The following GHR variants were observed in gnomAD, a reference collection of about 807,000 sequenced individuals.
GHR encodes GH receptor.
In GHR, 35 loss-of-function variants were observed where a neutral mutation model predicts 67.1. The ratio of observed to expected loss-of-function variants is 0.52; its 90% CI spans 0.40 to 0.69. The LOEUF (loss-of-function observed/expected upper bound fraction) is 0.69. GHR is among the 30% of genes least tolerant of loss of function. The pLI, the probability that GHR is intolerant of heterozygous loss-of-function variation, is 0.00. For synonymous variants in GHR, 272 were observed against 269.1 expected (o/e 1.01, Z -0.10); for missense variants, 792 against 764.6 (o/e 1.04, Z -0.42).
intron 1 of GHR, among the ~76,000 whole-genome samples, chr5:42,456,809 A>C (rs867370120): frequency 5.3e-5 from 8 of 152,200 alleles, no homozygotes; most frequent in Non-Finnish European, 1.0e-4. Context: ...AAGGGAACTT[A>C]ATCTTTGAAT....
In GHR at chr5:42,560,308, C is replaced by T. The variant is rs555074364; in HGVS notation, c.-11-5556C>T. Among the ~76,000 whole-genome samples, 30 of 152,276 alleles carry T rather than the reference C, an allele frequency of 2.0e-4. No individual in the cohort carries two copies. The South Asian group carries it at 5.6e-3, about 28-fold the overall frequency. ...TCCTGGGTTCAAGCGATTCTCCTGCCTCAGTCTCCCGATCAGCTGGGACTA... is the reference window on the plus strand; with the variant it reads ...TCCTGGGTTCAAGCGATTCTCCTGCTTCAGTCTCCCGATCAGCTGGGACTA... On this transcript the variant is annotated intron_variant, in intron 1 of 9. Coordinates refer to ENST00000230882, the MANE Select transcript of GHR (RefSeq NM_000163.5).
At chr5:42,713,115 A>G (rs1171480666) in intron 7 of GHR, among the ~76,000 whole-genome samples, 1 of 152,056 alleles carries the variant, frequency 6.6e-6, no homozygotes, top group African/African-American at 2.4e-5. Context: ...AACCTTTATG[A>G]TACTCCCTGG....
intron 1 of GHR, among the ~76,000 whole-genome samples, chr5:42,435,984 C>A (rs762883045): frequency 3.9e-5 from 6 of 152,168 alleles, no homozygotes; most frequent in Non-Finnish European, 7.4e-5. Context: ...GTAGCTGAGT[C>A]CTCATTGGTA....
intron 1 of GHR, among the ~76,000 whole-genome samples, chr5:42,453,292 C>T (rs1324238574): frequency 6.6e-6 from 1 of 152,128 alleles, no homozygotes; most frequent in Non-Finnish European, 1.5e-5. Flanking sequence ...TTATGTCCTC[C>T]TCTCATGGTA....
At chr5:42,673,490 CTG>C (rs906633301) in intron 3 of GHR, among the ~76,000 whole-genome samples, 13 of 152,196 alleles carry the variant, frequency 8.5e-5, no homozygotes, top group African/African-American at 3.1e-4. Flanking sequence ...CATTACAACA[CTG>C]TTCGCAATAG....
chr5:42,568,783 A>C (rs1750098102), intron 2 of GHR, among the ~76,000 whole-genome samples: 1 of 152,222 alleles, frequency 6.6e-6, no homozygotes, highest in South Asian at 2.1e-4. Flanking sequence ...GAAATGGTCA[A>C]GATGCCCTGA....
chr5:42,446,042 C>A (rs890377924), intron 1 of GHR, among the ~76,000 whole-genome samples: 12 of 152,130 alleles, frequency 7.9e-5, no homozygotes, highest in African/African-American at 2.7e-4. Context: ...CTTTTGTCTA[C>A]ACAGGTTGGG....
chr5:42,505,122 G>GTTTTTTTTTTTTTTTTTT (rs35690685), intron 1 of GHR, among the ~76,000 whole-genome samples: 3 of 134,912 alleles, frequency 2.2e-5, no homozygotes, highest in Admixed American at 7.4e-5. Flanking sequence ...GCTGTTGACT[G>GTTTTTTTTTTTTTTTTTT]TTTTTTTTTT....
intron 1 of GHR, among the ~76,000 whole-genome samples, chr5:42,477,181 T>C (rs948143273): frequency 1.1e-3 from 174 of 152,150 alleles, no homozygotes; most frequent in Non-Finnish European, 2.0e-3. Context: ...TGGTTTCCAG[T>C]TTCATCCATG....
intron 3 of GHR, among the ~76,000 whole-genome samples, chr5:42,658,355 A>T (rs1385846581): frequency 2.0e-5 from 3 of 152,224 alleles, no homozygotes; most frequent in African/African-American, 7.2e-5. Context: ...GCTAAAAATT[A>T]TCTAACTTTC....
chr5:42,474,231 A>AAGAAAGAAAGAGAG (rs1745140116), intron 1 of GHR, among the ~76,000 whole-genome samples: 1 of 145,866 alleles, frequency 6.9e-6, no homozygotes, highest in Non-Finnish European at 1.5e-5. Context: ...GAGAAAGAAA[A>AAGAAAGAAAGAGAG]AGAAAGAAAG....
Position 42,599,795 on chromosome 5 carries a change from C to T in GHR, c.71-29243C>T, listed in dbSNP as rs936189050. ...TTTTTATTGTCCCAATAGTTAAGGACAATCCTGGGCCTGCATTCTTTGAAC... is the reference window on the plus strand; with the variant it reads ...TTTTTATTGTCCCAATAGTTAAGGATAATCCTGGGCCTGCATTCTTTGAAC... On this transcript the variant is annotated intron_variant, in intron 2 of 9. Coordinates refer to ENST00000230882, the MANE Select transcript of GHR (RefSeq NM_000163.5). 1.1e-4 allele frequency among the ~76,000 whole-genome samples: 16 copies of T among 152,084 alleles called. No homozygotes were observed. In the East Asian group the frequency reaches 2.3e-3, roughly 22 times the overall value.
chr5:42,579,945 C>G (rs1039077438), intron 2 of GHR, among the ~76,000 whole-genome samples: 7 of 151,694 alleles, frequency 4.6e-5, no homozygotes, highest in South Asian at 4.2e-4. Flanking sequence ...AAACAAACAG[C>G]TGACAGGTGG....
At chr5:42,586,658 C>T (rs191332192) in intron 2 of GHR, among the ~76,000 whole-genome samples, 14 of 152,310 alleles carry the variant, frequency 9.2e-5, no homozygotes, top group African/African-American at 2.6e-4. Flanking sequence ...ATGTCAAAAT[C>T]CAAAAGCAGA....
At chr5:42,580,388 T>G (rs748555374) in intron 2 of GHR, among the ~76,000 whole-genome samples, 33 of 151,978 alleles carry the variant, frequency 2.2e-4, no homozygotes, top group Non-Finnish European at 4.4e-5. Context: ...AGGCAGACAA[T>G]AGGCTACAAA....
At chr5:42,648,664 A>T (rs7728727) in intron 3 of GHR, among the ~76,000 whole-genome samples, 13,228 of 151,372 alleles carry the variant, frequency 0.087, 701 homozygotes, top group Middle Eastern at 0.15. Flanking sequence ...ATATATAATA[A>T]CAATAAGTAA....
intron 1 of GHR, among the ~76,000 whole-genome samples, chr5:42,562,644 CTTTTTTTT>C (rs1212633265): frequency 3.6e-4 from 28 of 77,746 alleles, no homozygotes; most frequent in African/African-American, 4.5e-4. Flanking sequence ...GTTATAGTTC[CTTTTTTTT>C]TTTTTTTTTT....
chr5:42,573,474 C>T (rs1750450953), intron 2 of GHR, among the ~76,000 whole-genome samples: 1 of 152,066 alleles, frequency 6.6e-6, no homozygotes, highest in Admixed American at 6.5e-5. Flanking sequence ...AACTCCGAAC[C>T]CCATGCACCA....
chr5:42,550,409 A>G (rs1443100768), intron 1 of GHR, among the ~76,000 whole-genome samples: 1 of 152,134 alleles, frequency 6.6e-6, no homozygotes, highest in Non-Finnish European at 1.5e-5. Flanking sequence ...CCCCATCACT[A>G]CTAACCCTAG....
Sources: allele counts gnomAD v4.1 joint callset (sites outside exome capture counted in the v4.1 genomes callset), GRCh38; gene constraint gnomAD v4.1.1; transcripts MANE v1.5; gene names NCBI Gene and HGNC (gene_info 2026-07-23, HGNC 2026-07-21).